The following NCOA2 variants were observed in gnomAD, a reference collection of about 807,000 sequenced individuals.
NCOA2 encodes class E basic helix-loop-helix protein 75.
Under a neutral mutation model 145.1 loss-of-function variants are expected in NCOA2, and 21 were observed. The observed-to-expected ratio is 0.14, with a 90% CI of 0.10 to 0.21. NCOA2 has a LOEUF of 0.21. Among genes scored for constraint, NCOA2 ranks in the 10% least tolerant of loss-of-function variants. The pLI is 1.00. For missense variants in NCOA2, 1,472 were observed against 1,837.6 expected (o/e 0.80, Z 3.64); for synonymous variants, 619 against 637.5 (o/e 0.97, Z 0.44).
At chr8:70,201,908 G>T (rs901180331) in intron 4 of NCOA2, among the ~76,000 whole-genome samples, 4 of 152,146 alleles carry the variant, frequency 2.6e-5, no homozygotes, top group East Asian at 1.9e-4. Flanking sequence ...CTGCCTCAAA[G>T]AATCCTCCTT....
chr8:70,400,311 TC>T (rs1814112484), intron 1 of NCOA2, among the ~76,000 whole-genome samples: 1 of 152,302 alleles, frequency 6.6e-6, no homozygotes, highest in Admixed American at 6.5e-5. Flanking sequence ...GAAGCTCAGA[TC>T]CAGTCTGAGA....
intron 2 of NCOA2, among the ~76,000 whole-genome samples, chr8:70,221,850 G>A (rs755966821): frequency 2.6e-5 from 4 of 152,060 alleles, no homozygotes; most frequent in South Asian, 2.1e-4. Context: ...AAAATCAAAC[G>A]TTGCTTCCCA....
intron 22 of NCOA2, among the ~76,000 whole-genome samples, chr8:70,117,356 G>A (rs60243505): frequency 6.6e-6 from 1 of 152,310 alleles, no homozygotes; most frequent in African/African-American, 2.4e-5. Context: ...AAATACCTAC[G>A]AAGGGCCTGG....
intron 2 of NCOA2, among the ~76,000 whole-genome samples, chr8:70,233,969 A>G (rs1031048961): frequency 4.6e-5 from 7 of 152,132 alleles, no homozygotes; most frequent in African/African-American, 1.7e-4. Flanking sequence ...ATTCCAAAGC[A>G]TTGTCATCAC....
rs1358091953 is a variant in NCOA2, at chr8:70,113,552, A to G, written c.*80T>C. The G allele has an allele frequency of 5.3e-6, 8 of 1,498,676 alleles. No homozygotes were observed. The East Asian group carries it at 2.0e-4, about 37-fold the overall frequency. The allele number at this position is 1,498,676 out of a possible 1,614,324, so 92.8% of individuals were successfully genotyped here. On this transcript the variant is annotated 3_prime_UTR_variant, in exon 23 of 23. Coordinates refer to ENST00000452400, the MANE Select transcript of NCOA2 (RefSeq NM_006540.4). ...CTGGCAGGTCAGTTGGGTTGAAACAAATAGACACAGCTCTCCAGACTGGAA... is the reference window on the plus strand; with the variant it reads ...CTGGCAGGTCAGTTGGGTTGAAACAGATAGACACAGCTCTCCAGACTGGAA...
In NCOA2 at chr8:70,123,984, G is replaced by T. The variant is rs1301328915; in HGVS notation, c.4193C>A (p.Thr1398Lys). ...MNINVSMATN[T>K]GGMSSMNQMT... ...CTGGTTCATGCTGCTCATGCCACCT[G>T]TGTTGGTCGCCATGGACACATTGAT... The change falls in exon 21 of 23, where the codon ACA (threonine) becomes AAA (lysine). Residue 1398 changes from threonine to lysine, a missense_variant. Physicochemically the swap from Thr to Lys is moderately conservative, Grantham distance 78. Coordinates refer to ENST00000452400, the MANE Select transcript of NCOA2 (RefSeq NM_006540.4). 2 of 1,613,900 alleles carry T rather than the reference G, an allele frequency of 1.2e-6. No individual in the cohort carries two copies. Among genetic ancestry groups the T allele is most frequent in the Non-Finnish European group, 1.7e-6 (2 of 1,179,894 alleles).
At chr8:70,418,421 G>A in the NCOA2 span, among the ~76,000 whole-genome samples, 1 of 152,156 alleles carries the variant, frequency 6.6e-6, no homozygotes, top group Admixed American at 6.5e-5. Context: ...CCATGATGGT[G>A]AATAGGAGGT....
At chr8:70,447,181 T>C in the NCOA2 span, among the ~76,000 whole-genome samples, 5,270 of 152,234 alleles carry the variant, frequency 0.035, 303 homozygotes, top group African/African-American at 0.12. Context: ...AGGAAAACAC[T>C]CTAACACATT....
At chr8:70,238,130 C>G (rs1821799449) in intron 2 of NCOA2, among the ~76,000 whole-genome samples, 1 of 151,906 alleles carries the variant, frequency 6.6e-6, no homozygotes, top group Non-Finnish European at 1.5e-5. Context: ...ATAACTTAGT[C>G]AATGAATAAG....
intron 22 of NCOA2, among the ~76,000 whole-genome samples, chr8:70,114,113 A>C (rs1366699607): frequency 6.6e-6 from 1 of 152,116 alleles, no homozygotes; most frequent in Non-Finnish European, 1.5e-5. Flanking sequence ...GATTTTCCCT[A>C]ATCAGATACT....
chr8:70,419,832 A>C, the NCOA2 span, among the ~76,000 whole-genome samples: 1 of 152,324 alleles, frequency 6.6e-6, no homozygotes, highest in South Asian at 2.1e-4. Flanking sequence ...TATAACTATA[A>C]TGTTTGTATA....
chr8:70,242,905 G>A (rs1335674223), intron 2 of NCOA2, among the ~76,000 whole-genome samples: 1 of 151,986 alleles, frequency 6.6e-6, no homozygotes, highest in Non-Finnish European at 1.5e-5. Flanking sequence ...GATCAGACCC[G>A]ATTATAATAT....
At chr8:70,401,039 G>C (rs1451085617) in intron 1 of NCOA2, among the ~76,000 whole-genome samples, 3 of 152,120 alleles carry the variant, frequency 2.0e-5, no homozygotes, top group African/African-American at 7.2e-5. Flanking sequence ...AGGTGAGAAA[G>C]GGAGCATTAC....
chr8:70,129,435 G>T (rs943894700), intron 16 of NCOA2, among the ~76,000 whole-genome samples: 7 of 152,114 alleles, frequency 4.6e-5, no homozygotes, highest in African/African-American at 1.7e-4. Context: ...TCATTATCCT[G>T]ATTTTGTAGC....
At chr8:70,213,369 T>TC (rs1283934871) in intron 4 of NCOA2, among the ~76,000 whole-genome samples, 1 of 152,212 alleles carries the variant, frequency 6.6e-6, no homozygotes, top group Non-Finnish European at 1.5e-5. Context: ...AAGAGAGCTG[T>TC]CATGTTCTAT....
the NCOA2 span, among the ~76,000 whole-genome samples, chr8:70,455,642 G>GA: frequency 1.1e-4 from 16 of 145,226 alleles, no homozygotes; most frequent in South Asian, 2.2e-4. Flanking sequence ...ACAAAGGCTG[G>GA]AAAAAAAAAA....
rs528759639 is a variant in NCOA2 at position 70,297,875 on chromosome 8, T to C, written c.-76-1075A>G. Among the ~76,000 whole-genome samples, 256 of 152,318 alleles carry C rather than the reference T, an allele frequency of 1.7e-3. 2 individuals are homozygous for C. The highest frequency in any genetic ancestry group is 5.5e-3 in the African/African-American group (230 of 41,572). On this transcript the variant is annotated intron_variant, in intron 1 of 22. Coordinates refer to ENST00000452400, the MANE Select transcript of NCOA2 (RefSeq NM_006540.4). ...TTCCCAAGAAACACAATGAGGAATA[T>C]GAAAACAAGAAGTATGTGCTTACGG...
chr8:70,136,245 C>A (rs1339199174), intron 15 of NCOA2, among the ~76,000 whole-genome samples: 2 of 151,928 alleles, frequency 1.3e-5, no homozygotes, highest in African/African-American at 2.4e-5. Flanking sequence ...ACCTGTAATC[C>A]CAGCTACTCA....
chr8:70,146,694 T>C (rs940457928), intron 12 of NCOA2, among the ~76,000 whole-genome samples: 1 of 151,890 alleles, frequency 6.6e-6, no homozygotes, highest in East Asian at 1.9e-4. Flanking sequence ...GACTGTCTAG[T>C]GTGTCTGTTT....
Sources: allele counts gnomAD v4.1 joint callset (sites outside exome capture counted in the v4.1 genomes callset), GRCh38; gene constraint gnomAD v4.1.1; transcripts MANE v1.5; gene names NCBI Gene and HGNC (gene_info 2026-07-23, HGNC 2026-07-21).